Variants in EPHA5 observed in about 807,000 individuals in gnomAD.
The protein encoded by EPHA5 is EPH receptor A5.
EPHA5 carries 60 observed loss-of-function variants against 105.0 expected under a neutral mutation model. The observed-to-expected ratio is 0.57, with a 90% CI of 0.46 to 0.71. The LOEUF (loss-of-function observed/expected upper bound fraction) is 0.71. Ranked by LOEUF, EPHA5 falls within the 30% of genes least tolerant of loss-of-function variation. The pLI is 0.00. For synonymous variants in EPHA5, 513 were observed against 449.1 expected (o/e 1.14, Z -1.80); for missense variants, 1,218 against 1,274.7 (o/e 0.96, Z 0.68).
At chr4:65,655,531 T>C (rs1364756688) in intron 1 of EPHA5, among the ~76,000 whole-genome samples, 1 of 152,094 alleles carries the variant, frequency 6.6e-6, no homozygotes, top group Non-Finnish European at 1.5e-5. Context: ...ATTGCAATAA[T>C]AGTCTCTAAA....
intron 5 of EPHA5, among the ~76,000 whole-genome samples, chr4:65,473,376 T>C (rs1039939653): frequency 6.6e-6 from 1 of 152,172 alleles, no homozygotes; most frequent in Admixed American, 6.6e-5. Context: ...ATTCTCACAC[T>C]TCTATAAAGA....
intron 2 of EPHA5, among the ~76,000 whole-genome samples, chr4:65,619,923 T>G: frequency 6.6e-6 from 1 of 151,474 alleles, no homozygotes; most frequent in Non-Finnish European, 1.5e-5. Context: ...TTGTTTTAAT[T>G]GATAATAATA....
At chr4:65,344,125 C>A (rs2148830756) in intron 14 of EPHA5, among the ~76,000 whole-genome samples, 1 of 152,246 alleles carries the variant, frequency 6.6e-6, no homozygotes, top group Admixed American at 6.5e-5. Flanking sequence ...TAGTGCCCAT[C>A]CACAAAGAGT....
chr4:65,547,051 C>A (rs1217178640), intron 3 of EPHA5, among the ~76,000 whole-genome samples: 1 of 151,906 alleles, frequency 6.6e-6, no homozygotes. Context: ...ATAGTGTTCA[C>A]CACTGTGAAA....
intron 5 of EPHA5, among the ~76,000 whole-genome samples, chr4:65,462,674 T>C (rs921595925): frequency 1.3e-5 from 2 of 152,156 alleles, no homozygotes; most frequent in African/African-American, 4.8e-5. Flanking sequence ...AGTGGTGGTC[T>C]CAACGTTCCA....
At chr4:65,573,566 G>T in intron 3 of EPHA5, 1 of 1,598,296 alleles carries the variant, frequency 6.3e-7, no homozygotes, top group Non-Finnish European at 8.5e-7. Context: ...AAGCTAAAAA[G>T]CCCAAGAAGG....
intron 2 of EPHA5, among the ~76,000 whole-genome samples, chr4:65,641,693 C>G (rs182686274): frequency 3.3e-5 from 5 of 152,074 alleles, no homozygotes; most frequent in Admixed American, 3.3e-4. Context: ...ATTCATTAAG[C>G]CCCTCTAAAT....
At chr4:65,565,483 T>TAA (rs1560704561) in intron 3 of EPHA5, among the ~76,000 whole-genome samples, 1 of 151,746 alleles carries the variant, frequency 6.6e-6, no homozygotes, top group Non-Finnish European at 1.5e-5. Flanking sequence ...CCAATAAGGC[T>TAA]TAAAGTAATT....
intron 14 of EPHA5, among the ~76,000 whole-genome samples, chr4:65,344,872 G>A (rs540685438): frequency 6.6e-6 from 1 of 152,258 alleles, no homozygotes; most frequent in Admixed American, 6.5e-5. Context: ...TTAGAAAGCT[G>A]ATGTCGGACT....
chr4:65,456,778 C>T (rs1727640897), intron 5 of EPHA5, among the ~76,000 whole-genome samples: 1 of 151,756 alleles, frequency 6.6e-6, no homozygotes, highest in East Asian at 1.9e-4. Context: ...AATATGTCAC[C>T]TATCCACTTT....
At chr4:65,423,596 C>T (rs567623080) in intron 5 of EPHA5, among the ~76,000 whole-genome samples, 52 of 151,144 alleles carry the variant, frequency 3.4e-4, no homozygotes, top group African/African-American at 8.2e-4. Flanking sequence ...AATTTGCTAA[C>T]GCTTTGGCCA....
intron 3 of EPHA5, among the ~76,000 whole-genome samples, chr4:65,530,948 T>C (rs1578349958): frequency 6.6e-6 from 1 of 152,326 alleles, no homozygotes; most frequent in South Asian, 2.1e-4. Context: ...AATAGTCGTA[T>C]GTTGCTTCCA....
intron 8 of EPHA5, among the ~76,000 whole-genome samples, chr4:65,385,479 A>G (rs1381994104): frequency 1.3e-5 from 2 of 151,968 alleles, no homozygotes; most frequent in African/African-American, 2.4e-5. Context: ...ATAATTGAAC[A>G]TACTCTAGAA....
At chr4:65,419,881 A>T (rs941850574) in intron 6 of EPHA5, among the ~76,000 whole-genome samples, 1 of 152,222 alleles carries the variant, frequency 6.6e-6, no homozygotes, top group Non-Finnish European at 1.5e-5. Flanking sequence ...AAAAGTGGCT[A>T]TAAGAGACTC....
At chr4:65,542,344 A>G (rs1020207112) in intron 3 of EPHA5, among the ~76,000 whole-genome samples, 12 of 151,762 alleles carry the variant, frequency 7.9e-5, no homozygotes, top group African/African-American at 2.9e-4. Context: ...TAGCTAGACT[A>G]AAAGAGAGAA....
intron 5 of EPHA5, among the ~76,000 whole-genome samples, chr4:65,438,266 T>C (rs1486398643): frequency 6.6e-6 from 1 of 151,968 alleles, no homozygotes; most frequent in Non-Finnish European, 1.5e-5. Context: ...GAAGCCAAGA[T>C]TATTGCAAAA....
intron 5 of EPHA5, among the ~76,000 whole-genome samples, chr4:65,441,483 A>T (rs1726006868): frequency 6.6e-6 from 1 of 152,092 alleles, no homozygotes; most frequent in Non-Finnish European, 1.5e-5. Flanking sequence ...ATATATCTTT[A>T]AAAATGCTCA....
chr4:65,356,248 C>A (rs900189626), intron 11 of EPHA5, among the ~76,000 whole-genome samples: 2 of 151,316 alleles, frequency 1.3e-5, no homozygotes, highest in Admixed American at 6.6e-5. Flanking sequence ...TTCTGCCTAT[C>A]TTTTTATATT....
intron 2 of EPHA5, 43 bp downstream of exon 2, chr4:65,643,320 A>G: frequency 6.9e-7 from 1 of 1,439,174 alleles, no homozygotes; most frequent in Non-Finnish European, 9.8e-7. Flanking sequence ...CAAGATGCTT[A>G]CGCACATAGC....
Sources: allele counts gnomAD v4.1 joint callset (sites outside exome capture counted in the v4.1 genomes callset), GRCh38; gene constraint gnomAD v4.1.1; transcripts MANE v1.5; gene names NCBI Gene and HGNC (gene_info 2026-07-23, HGNC 2026-07-21).